Variants in LARGE1 observed in about 807,000 individuals in gnomAD.
LARGE1 encodes the protein LARGE xylosyl- and glucuronyltransferase 1.
LARGE1 carries 43 observed loss-of-function variants against 87.6 expected under a neutral mutation model. That is an observed-to-expected ratio of 0.49 (90% CI 0.38 to 0.63). The LOEUF (loss-of-function observed/expected upper bound fraction) is 0.63. Among genes scored for constraint, LARGE1 ranks in the 30% least tolerant of loss-of-function variants. LARGE1 has a pLI of 0.00. For synonymous variants in LARGE1, 434 were observed against 394.6 expected (o/e 1.10, Z -1.18); for missense variants, 802 against 1,000.2 (o/e 0.80, Z 2.67).
At chr22:33,198,321 T>TA (rs1186607031) in intron 11 of LARGE1, among the ~76,000 whole-genome samples, 3 of 91,806 alleles carry the variant, frequency 3.3e-5, no homozygotes, top group Non-Finnish European at 7.2e-5. Flanking sequence ...AGCTATGACA[T>TA]AAAATGTATA....
At chr22:33,686,542 CAA>C (rs532082764) in intron 2 of LARGE1, among the ~76,000 whole-genome samples, 11 of 45,514 alleles carry the variant, frequency 2.4e-4, no homozygotes, top group Admixed American at 5.2e-4. Context: ...GACTCCATCT[CAA>C]AAAAAAAAAA....
At chr22:33,182,102 G>A (rs1181756106) in intron 11 of LARGE1, among the ~76,000 whole-genome samples, 5 of 152,098 alleles carry the variant, frequency 3.3e-5, no homozygotes, top group African/African-American at 2.4e-5. Context: ...GATTATAGGC[G>A]TGAGCCACCG....
At chr22:33,594,169 A>G (rs755173613) in intron 5 of LARGE1, among the ~76,000 whole-genome samples, 8 of 152,128 alleles carry the variant, frequency 5.3e-5, no homozygotes, top group Non-Finnish European at 1.0e-4. Flanking sequence ...CACTGATTTT[A>G]CCTTAGTTGT....
At chr22:33,266,150 GAA>G (rs111856408) in intron 11 of LARGE1, among the ~76,000 whole-genome samples, 1 of 130,844 alleles carries the variant, frequency 7.6e-6, no homozygotes, top group Admixed American at 7.8e-5. Context: ...ACTCAATAGG[GAA>G]AAAAAAAAAA....
intron 1 of LARGE1, among the ~76,000 whole-genome samples, chr22:33,817,343 G>A (rs1316004617): frequency 2.0e-5 from 3 of 152,106 alleles, no homozygotes; most frequent in Non-Finnish European, 4.4e-5. Flanking sequence ...TAAGCCCTTT[G>A]CATATATATA....
rs564458992 is a variant in LARGE1, at chr22:33,382,271, A to G, written c.1006-227T>C. 8.3e-4 allele frequency among the ~76,000 whole-genome samples: 127 copies of G among 152,316 alleles called. 1 individual carries two copies. Among genetic ancestry groups the G allele is most frequent in the African/African-American group, 3.0e-3 (126 of 41,580 alleles). On this transcript the variant is annotated intron_variant, in intron 8 of 14. Coordinates refer to ENST00000397394, the MANE Select transcript of LARGE1 (RefSeq NM_133642.5). Reference sequence around the variant, plus strand: ...ATGTCCCAGGCTGACTGGAAGCTCCAGAGTCCTGCTGGTCTCATAAGGCCC... The same window carrying G: ...ATGTCCCAGGCTGACTGGAAGCTCCGGAGTCCTGCTGGTCTCATAAGGCCC...
rs567217680 is a variant in LARGE1 at position 33,235,677 on chromosome 22, T to C, written c.1730+68552A>G. Reference sequence around the variant, plus strand: ...CTCTCCGGGTGGCATGGACTTCTCATAGCAGGATGGCTTGGTTCCAAGAGG... The same window carrying C: ...CTCTCCGGGTGGCATGGACTTCTCACAGCAGGATGGCTTGGTTCCAAGAGG... On this transcript the variant is annotated intron_variant, in intron 11 of 11. Transcript: ENST00000608642. 1.4e-4 allele frequency among the ~76,000 whole-genome samples: 21 copies of C among 152,256 alleles called. 1 individual carries two copies. In the South Asian group the frequency reaches 4.4e-3, roughly 32 times the overall value.
At chr22:33,699,407 C>A (rs1186462557) in intron 2 of LARGE1, among the ~76,000 whole-genome samples, 1 of 152,174 alleles carries the variant, frequency 6.6e-6, no homozygotes, top group African/African-American at 2.4e-5. Context: ...AAATGGAGAA[C>A]CAGATGTGTT....
chr22:33,829,302 C>T (rs2062897685), intron 1 of LARGE1, among the ~76,000 whole-genome samples: 2 of 152,226 alleles, frequency 1.3e-5, no homozygotes, highest in Admixed American at 6.5e-5. Context: ...AGCCACCGCA[C>T]CCGGTCTTGT....
intron 1 of LARGE1, among the ~76,000 whole-genome samples, chr22:33,810,736 T>C (rs2146169713): frequency 6.6e-6 from 1 of 152,000 alleles, no homozygotes; most frequent in East Asian, 1.9e-4. Context: ...TCTTTTTTTT[T>C]TTTTTGAGAT....
intron 2 of LARGE1, among the ~76,000 whole-genome samples, chr22:33,692,590 C>T (rs1354888709): frequency 1.3e-5 from 2 of 152,194 alleles, no homozygotes; most frequent in African/African-American, 2.4e-5. Flanking sequence ...GAATTATAGG[C>T]GTGAGCCACC....
intron 10 of LARGE1, among the ~76,000 whole-genome samples, chr22:33,319,486 C>A (rs1428391397): frequency 1.3e-5 from 2 of 152,162 alleles, no homozygotes; most frequent in Non-Finnish European, 1.5e-5. Flanking sequence ...ACCTCTGCCT[C>A]CCGGGTTCAA....
intron 3 of LARGE1, among the ~76,000 whole-genome samples, chr22:33,636,612 C>T (rs2080275077): frequency 1.3e-5 from 2 of 152,182 alleles, no homozygotes; most frequent in Non-Finnish European, 2.9e-5. Flanking sequence ...ACTGCAGCCT[C>T]AAATTCCTGG....
intron 2 of LARGE1, among the ~76,000 whole-genome samples, chr22:33,655,874 GGA>G (rs1331544091): frequency 6.6e-6 from 1 of 152,134 alleles, no homozygotes; most frequent in Non-Finnish European, 1.5e-5. Flanking sequence ...TGGGGAAGAG[GGA>G]GAGAGAACTG....
intron 2 of LARGE1, among the ~76,000 whole-genome samples, chr22:33,664,188 A>G (rs1159802381): frequency 6.6e-6 from 1 of 152,166 alleles, no homozygotes. Context: ...CCATTCCTAC[A>G]CAGCCACAAC....
At chr22:33,720,990 T>C (rs1048977180) in intron 2 of LARGE1, among the ~76,000 whole-genome samples, 1 of 152,214 alleles carries the variant, frequency 6.6e-6, no homozygotes, top group Non-Finnish European at 1.5e-5. Flanking sequence ...CTTACGGGAT[T>C]CCTGGAGGAG....
Position 33,328,593 on chromosome 22 carries a change from A to AATG in LARGE1, c.1287+9052_1287+9053insCAT, listed in dbSNP as rs1252886118. ...GACTCTCTCTCAAAATAATAATAAT[A>AATG]ATAATAATAATAATAAAATAAAACA... On this transcript the variant is annotated intron_variant, in intron 10 of 14. Transcript: ENST00000397394. 5.3e-5 allele frequency among the ~76,000 whole-genome samples: 8 copies of AATG among 150,348 alleles called. No individual in the cohort carries two copies. In the East Asian group the frequency reaches 1.6e-3, roughly 29 times the overall value.
chr22:33,834,513 C>T (rs1382915871), intron 1 of LARGE1, among the ~76,000 whole-genome samples: 1 of 152,150 alleles, frequency 6.6e-6, no homozygotes, highest in Non-Finnish European at 1.5e-5. Flanking sequence ...GAGAACAACC[C>T]CCTTTGATTG....
At chr22:33,753,719 A>G (rs2084404705) in intron 2 of LARGE1, among the ~76,000 whole-genome samples, 1 of 152,128 alleles carries the variant, frequency 6.6e-6, no homozygotes, top group African/African-American at 2.4e-5. Context: ...GTTCCACCCT[A>G]GCAGGATAGC....
Sources: gnomAD v4.1 joint callset for allele counts (sites outside exome capture counted in the v4.1 genomes callset) on GRCh38, gnomAD v4.1.1 for gene constraint, MANE v1.5 for transcripts, NCBI Gene and HGNC (gene_info 2026-07-23, HGNC 2026-07-21) for gene names.